Variants in BAZ2A observed in about 807,000 individuals in gnomAD.
BAZ2A encodes the protein bromodomain adjacent to zinc finger domain 2A.
Under a neutral mutation model 199.9 loss-of-function variants are expected in BAZ2A, and 34 were observed. The ratio of observed to expected loss-of-function variants is 0.17; its 90% CI spans 0.13 to 0.23. The LOEUF (loss-of-function observed/expected upper bound fraction) is 0.23. Ranked by LOEUF, BAZ2A falls within the 10% of genes least tolerant of loss-of-function variation. BAZ2A has a pLI of 1.00. For missense variants in BAZ2A, 2,002 were observed against 2,391.1 expected (o/e 0.84, Z 3.39); for synonymous variants, 857 against 883.9 (o/e 0.97, Z 0.54).
At chr12:56,599,496 A>G (rs1886202623) in intron 26 of BAZ2A, 138 bp from the exon 27 acceptor site, 2 of 1,227,454 alleles carry the variant, frequency 1.6e-6, no homozygotes, top group Non-Finnish European at 1.1e-6. Context: ...ACATAACCCA[A>G]TGAAGTAGGT....
At chr12:56,623,847 C>T (rs777183194) in intron 1 of BAZ2A, among the ~76,000 whole-genome samples, 3 of 152,162 alleles carry the variant, frequency 2.0e-5, no homozygotes, top group Non-Finnish European at 4.4e-5. Flanking sequence ...CCATTCCTGC[C>T]CCACACCTTG....
chr12:56,602,030 C>T lies in BAZ2A; in HGVS notation c.3587G>A (p.Gly1196Glu). The change falls in exon 20 of 29, where the codon GGG becomes GAG. Residue 1196 changes from glycine to glutamate, a missense_variant. This residue lies in a region of BAZ2A where 1,081 missense variants were observed against 1,274.7 expected (regional missense o/e 0.85). Coordinates refer to ENST00000549884, the MANE Select transcript of BAZ2A (RefSeq NM_001300905.2). ...ARGRPRKTKPGSMQPRHLKSP... is the reference protein window; with the variant it reads ...ARGRPRKTKPESMQPRHLKSP... ...CTTAAGATGCCTAGGTTGCATAGAC[C>T]CGGGCTTAGTTTTTCGAGGTCGGCC... The T allele has an allele frequency of 1.6e-5, 25 of 1,554,660 alleles. No individual in the cohort carries two copies. The highest frequency in any genetic ancestry group is 2.2e-5 in the Non-Finnish European group (25 of 1,148,532).
At chr12:56,602,896 T>G (rs934373430) in intron 18 of BAZ2A, 39 bp from the exon 19 acceptor site, 4 of 1,578,136 alleles carry the variant, frequency 2.5e-6, no homozygotes. Context: ...TAAACACATT[T>G]CCAGAGTGAC....
intron 11 of BAZ2A, 157 bp from the exon 12 acceptor site, chr12:56,606,469 T>A (rs903737152): frequency 7.6e-6 from 9 of 1,191,348 alleles, no homozygotes; most frequent in Non-Finnish European, 8.6e-6. Flanking sequence ...GATGCCCACG[T>A]TATTTTTGAA....
At chr12:56,637,066 C>A (rs1391821757), upstream of BAZ2A, among the ~76,000 whole-genome samples, 1 of 152,200 alleles carries the variant, frequency 6.6e-6, no homozygotes, top group Non-Finnish European at 1.5e-5. Flanking sequence ...CTTATAGATA[C>A]AGGCTCCTCC....
chr12:56,610,043 G>A (rs768404737), intron 9 of BAZ2A, 71 bp downstream of exon 9: 10 of 1,600,572 alleles, frequency 6.2e-6, no homozygotes, highest in African/African-American at 1.3e-5. Flanking sequence ...CAAACCCCAC[G>A]AGAGGAAGCT....
chr12:56,627,393 G>T (rs1951129466), intron 1 of BAZ2A, among the ~76,000 whole-genome samples: 1 of 151,208 alleles, frequency 6.6e-6, no homozygotes, highest in African/African-American at 2.4e-5. Flanking sequence ...TTGAACCTGG[G>T]AGGCGAGGGT....
Position 56,601,861 on chromosome 12 carries a change from A to AGGG in BAZ2A, c.3753_3755dup (p.Pro1252dup), listed in dbSNP as rs1886514778. The AGGG allele has an allele frequency of 6.2e-7, 1 of 1,613,836 alleles. No homozygotes were observed. The highest frequency in any genetic ancestry group is 1.1e-5 in the South Asian group (1 of 91,086). On this transcript the variant is annotated inframe_insertion, in exon 20 of 29. Transcript: ENST00000549884. ...CATGCTGGCTCTGACCCAGTGACAA[A>AGGG]GGGGAGCCTTCTTGCTCCAGGAACC...
chr12:56,606,909 G>A (rs1950375693), intron 10 of BAZ2A, among the ~76,000 whole-genome samples, 176 bp from the exon 11 acceptor site: 1 of 151,384 alleles, frequency 6.6e-6, no homozygotes, highest in Admixed American at 6.6e-5. Context: ...AAATGTAGGA[G>A]AGGCACCTGC....
In BAZ2A at chr12:56,598,918, G is replaced by T. The variant is rs1489157811; in HGVS notation, c.5496C>A (p.Ile1832=). Residue 1832 remains isoleucine (I), a synonymous_variant, in exon 28 of 29, where the codon ATC becomes ATA. Coordinates refer to ENST00000549884, the MANE Select transcript of BAZ2A (RefSeq NM_001300905.2). ...PRLVSGYRRI[I]KNPMDFSTMR... ...TGGTGGAAAAATCCATAGGATTTTTGATGATGCGCCGGTACCCACTCACCA... is the reference window on the plus strand; with the variant it reads ...TGGTGGAAAAATCCATAGGATTTTTTATGATGCGCCGGTACCCACTCACCA... 2 of 1,605,670 alleles carry T rather than the reference G, an allele frequency of 1.2e-6. No individual in the cohort carries two copies. Among genetic ancestry groups the T allele is most frequent in the Admixed American group, 1.7e-5 (1 of 58,626 alleles).
At chr12:56,600,553 A>T in intron 23 of BAZ2A, 63 bp from the exon 24 acceptor site, 5 of 1,574,758 alleles carry the variant, frequency 3.2e-6, no homozygotes, top group Non-Finnish European at 4.3e-6. Flanking sequence ...ATAGGAAAAA[A>T]AAAAACAAAA....
intron 2 of BAZ2A, among the ~76,000 whole-genome samples, chr12:56,615,927 C>T (rs922223456): frequency 1.3e-5 from 2 of 152,176 alleles, no homozygotes; most frequent in African/African-American, 2.4e-5. Flanking sequence ...TGTTTTGAGA[C>T]GGAATCTCGC....
At chr12:56,625,875 C>CAAAAAAAAAAAAAAA (rs748737235) in intron 1 of BAZ2A, among the ~76,000 whole-genome samples, 1 of 55,298 alleles carries the variant, frequency 1.8e-5, no homozygotes, top group African/African-American at 6.0e-5. Flanking sequence ...AACTCCGTCT[C>CAAAAAAAAAAAAAAA]AAAAAAAAAA....
At position 56,602,020 on chromosome 12, in the gene BAZ2A, T is replaced by C; in HGVS notation, c.3597A>G (p.Gln1199=). 1.9e-6 allele frequency: 3 copies of C among 1,554,530 alleles called. No homozygotes were observed. The South Asian group carries it at 3.5e-5, about 18-fold the overall frequency. The change falls in exon 20 of 29, where the codon CAA becomes CAG. Residue 1199 remains glutamine, a synonymous_variant. Coordinates refer to ENST00000549884, the MANE Select transcript of BAZ2A (RefSeq NM_001300905.2). ...TGACAGGGGACTTAAGATGCCTAGG[T>C]TGCATAGACCCGGGCTTAGTTTTTC... ...RPRKTKPGSM[Q]PRHLKSPVRG... is the part of the protein sequence containing the mutation.
In BAZ2A at chr12:56,607,288, T is replaced by C. The variant is rs1033845345; in HGVS notation, c.2093-555A>G. Among the ~76,000 whole-genome samples the C allele has an allele frequency of 1.2e-4, 18 of 152,352 alleles. 1 individual carries two copies. In the East Asian group the frequency reaches 3.5e-3, roughly 29 times the overall value. ...GTCTTGCTTCACTAAAAGTTCTGAA[T>C]TTCTTCCTTTCGGGAAGACTTGTGG... On this transcript the variant is annotated intron_variant, in intron 10 of 28. Coordinates refer to ENST00000549884, the MANE Select transcript of BAZ2A (RefSeq NM_001300905.2).
In BAZ2A at chr12:56,600,934, T is replaced by G; in HGVS notation, c.4450+9A>C. On this transcript the variant is annotated intron_variant, in intron 22 of 28. Transcript: ENST00000549884. Reference sequence around the variant, plus strand: ...CTTCAGCTCAAGCTGGGTGTAGGAATGTATTTACCAGCTGAGGGCCGCAGG... The same window carrying G: ...CTTCAGCTCAAGCTGGGTGTAGGAAGGTATTTACCAGCTGAGGGCCGCAGG... 1 of 1,613,492 alleles carries G rather than the reference T, an allele frequency of 6.2e-7. No homozygotes were observed. Among genetic ancestry groups the G allele is most frequent in the Non-Finnish European group, 8.5e-7 (1 of 1,179,696 alleles).
chr12:56,600,185 G>A lies in BAZ2A; in HGVS notation c.4892+16C>T, dbSNP rs1281973890. 6.2e-7 allele frequency: 1 copy of A among 1,612,500 alleles called. No homozygotes were observed. The highest frequency in any genetic ancestry group is 8.5e-7 in the Non-Finnish European group (1 of 1,178,602). ...TTTCTCTCCAAGACCAAGAATGGAG[G>A]GTGGGAGTCACTCACATCTCTGTAG... is the stretch of plus-strand genomic sequence containing the variant. On this transcript the variant is annotated intron_variant, in intron 24 of 28. Transcript: ENST00000549884.
At chr12:56,628,177 CAAA>C (rs57372528) in intron 1 of BAZ2A, among the ~76,000 whole-genome samples, 6 of 28,390 alleles carry the variant, frequency 2.1e-4, no homozygotes, top group Middle Eastern at 0.017. Context: ...AACTCCGTCT[CAAA>C]AAAAAAAAAA....
intron 1 of BAZ2A, among the ~76,000 whole-genome samples, chr12:56,624,005 C>A (rs1442466663): frequency 6.6e-6 from 1 of 151,836 alleles, no homozygotes; most frequent in African/African-American, 2.4e-5. Flanking sequence ...GTGGCTCATG[C>A]CTATAACCTC....
Sources: gnomAD v4.1 joint callset for allele counts (sites outside exome capture counted in the v4.1 genomes callset) on GRCh38, gnomAD v4.1.1 for gene constraint, gnomAD v4.1.1 regional missense constraint, MANE v1.5 for transcripts, NCBI Gene and HGNC (gene_info 2026-07-23, HGNC 2026-07-21) for gene names.